Variants in LRRC37A2 observed in about 807,000 individuals in gnomAD.
LRRC37A2 encodes the protein leucine-rich repeat-containing protein 37A2.
Under a neutral mutation model 68.8 loss-of-function variants are expected in LRRC37A2, and 9 were observed. The ratio of observed to expected loss-of-function variants is 0.13; its 90% CI spans 0.08 to 0.23. The LOEUF (loss-of-function observed/expected upper bound fraction) is 0.23. LRRC37A2 is among the 10% of genes least tolerant of loss of function. The pLI is 1.00. For synonymous variants in LRRC37A2, 63 were observed against 367.6 expected, an observed-to-expected ratio of 0.17 and a Z score of 9.48; for missense variants, 168 against 950.4, an observed-to-expected ratio of 0.18 and a Z score of 10.82.
At chr17:46,791,998 C>T in the LRRC37A2 span, among the ~76,000 whole-genome samples, 2 of 152,150 alleles carry the variant, frequency 1.3e-5, no homozygotes, top group African/African-American at 4.8e-5. Flanking sequence ...TGTGATTGCA[C>T]CACTGCACTC....
At chr17:46,771,651 C>T in the LRRC37A2 span, among the ~76,000 whole-genome samples, 167 of 144,286 alleles carry the variant, frequency 1.2e-3, no homozygotes, top group African/African-American at 4.1e-3. Flanking sequence ...CGGGCCCGGG[C>T]CGCCGGGCCG....
At chr17:46,905,576 G>A in the LRRC37A2 span, among the ~76,000 whole-genome samples, 3 of 152,320 alleles carry the variant, frequency 2.0e-5, no homozygotes, top group African/African-American at 4.8e-5. Context: ...GGCACCTGTG[G>A]CTATGAAACA....
the LRRC37A2 span, among the ~76,000 whole-genome samples, chr17:47,015,288 A>G: frequency 2.0e-5 from 3 of 152,170 alleles, no homozygotes; most frequent in East Asian, 1.9e-4. Flanking sequence ...GATTACAGGC[A>G]TGAGCCACTG....
the LRRC37A2 span, chr17:46,930,989 A>G: frequency 2.8e-6 from 2 of 709,710 alleles, no homozygotes; most frequent in Non-Finnish European, 5.1e-6. Context: ...TCCTTTTGAA[A>G]TATGTAGTTC....
chr17:46,744,980 A>C, the LRRC37A2 span, among the ~76,000 whole-genome samples: 1 of 152,180 alleles, frequency 6.6e-6, no homozygotes, highest in South Asian at 2.1e-4. Context: ...AGGACTAGCA[A>C]ATCTCAGTAA....
At chr17:46,884,649 G>A in the LRRC37A2 span, among the ~76,000 whole-genome samples, 1 of 152,180 alleles carries the variant, frequency 6.6e-6, no homozygotes, top group African/African-American at 2.4e-5. Flanking sequence ...TGCCTCTCGT[G>A]TGCATTGTTG....
At chr17:46,838,979 G>A in the LRRC37A2 span, among the ~76,000 whole-genome samples, 1,333 of 152,198 alleles carry the variant, frequency 8.8e-3, 18 homozygotes, top group African/African-American at 0.03. Context: ...CCGGGTTCAA[G>A]CCATTCTCCT....
At chr17:46,925,260 A>G in the LRRC37A2 span, among the ~76,000 whole-genome samples, 2 of 152,238 alleles carry the variant, frequency 1.3e-5, no homozygotes, top group Admixed American at 1.3e-4. Flanking sequence ...CCTGTGTTCC[A>G]GTACAATTTT....
the LRRC37A2 span, among the ~76,000 whole-genome samples, chr17:46,883,481 C>T: frequency 5.9e-5 from 9 of 151,922 alleles, no homozygotes; most frequent in African/African-American, 2.2e-4. Flanking sequence ...GACGGGGTTT[C>T]ACCATGTTGG....
chr17:46,929,000 C>T, the LRRC37A2 span, among the ~76,000 whole-genome samples: 9 of 152,028 alleles, frequency 5.9e-5, no homozygotes, highest in Admixed American at 5.2e-4. Flanking sequence ...TTGCTTTTCT[C>T]GTGAATCTTC....
chr17:46,768,406 C>G, the LRRC37A2 span: 2 of 1,613,974 alleles, frequency 1.2e-6, no homozygotes, highest in Non-Finnish European at 1.7e-6. The surrounding 1 kb of genome is among the most constrained non-coding windows in gnomAD (Gnocchi z 5.0). Context: ...TGGCATTTTT[C>G]CTTCCGCTTC....
the LRRC37A2 span, among the ~76,000 whole-genome samples, chr17:46,771,499 CGGCGGGGGCGG>C: frequency 2.7e-5 from 4 of 149,344 alleles, no homozygotes; most frequent in Non-Finnish European, 6.0e-5. Flanking sequence ...AACGCGGGGG[CGGCGGGGGCGG>C]GGCGGGGATT....
the LRRC37A2 span, among the ~76,000 whole-genome samples, chr17:46,503,433 C>T: frequency 2.1e-3 from 303 of 143,122 alleles, no homozygotes; most frequent in Non-Finnish European, 3.2e-3. Context: ...GCTTATAAAC[C>T]AGTGACAGAG....
chr17:46,882,190 T>C, the LRRC37A2 span, among the ~76,000 whole-genome samples: 8 of 152,156 alleles, frequency 5.3e-5, no homozygotes, highest in Non-Finnish European at 8.8e-5. Flanking sequence ...TTAAAACATG[T>C]TTTCCTGGCC....
chr17:47,041,531 C>T, the LRRC37A2 span, among the ~76,000 whole-genome samples: 1 of 68,216 alleles, frequency 1.5e-5, no homozygotes, highest in Non-Finnish European at 2.9e-5. Context: ...GCAATCTCGT[C>T]TCACTGCAAG....
chr17:46,923,322 G>T, the LRRC37A2 span: 4 of 1,539,138 alleles, frequency 2.6e-6, no homozygotes, highest in Admixed American at 6.0e-5. Context: ...GGTAGAGGCC[G>T]AGTTTTTCCG....
the LRRC37A2 span, among the ~76,000 whole-genome samples, chr17:46,893,140 G>A: frequency 6.6e-6 from 1 of 152,072 alleles, no homozygotes; most frequent in Non-Finnish European, 1.5e-5. Flanking sequence ...CACCATGTTG[G>A]CGGGACTGGT....
the LRRC37A2 span, among the ~76,000 whole-genome samples, chr17:46,732,117 A>G: frequency 6.6e-6 from 1 of 152,236 alleles, no homozygotes. Context: ...AAAAATATTT[A>G]TTACTGGTAA....
At chr17:46,869,552 T>C in the LRRC37A2 span, among the ~76,000 whole-genome samples, 2 of 152,218 alleles carry the variant, frequency 1.3e-5, no homozygotes, top group East Asian at 1.9e-4. Context: ...GCCTGTTGAA[T>C]GAGTGGAGGG....
Sources: gnomAD v4.1 joint callset for allele counts (sites outside exome capture counted in the v4.1 genomes callset) on GRCh38, gnomAD v4.1.1 for gene constraint, Gnocchi (gnomAD v3.1) non-coding constraint, MANE v1.5 for transcripts, NCBI Gene and HGNC (gene_info 2026-07-23, HGNC 2026-07-21) for gene names.